The following CEP164 variants were observed in gnomAD, a reference collection of about 807,000 sequenced individuals.
CEP164 encodes the protein centrosomal protein 164.
A neutral mutation model predicts 182.7 loss-of-function variants in CEP164; 162 were observed. The observed-to-expected ratio is 0.89, with a 90% confidence interval of 0.78 to 1.01. The LOEUF is 1.01. Ranked by LOEUF, CEP164 falls within the 50% of genes least tolerant of loss-of-function variation. The probability of loss-of-function intolerance (pLI) is 0.00; values close to 1 mark genes in which losing one functional copy is unlikely to be tolerated. For missense variants in CEP164, 1,735 were observed against 1,790.4 expected (o/e 0.97, Z 0.56); for synonymous variants, 661 against 690.0 (o/e 0.96, Z 0.66).
rs774896440 is a variant in CEP164, at chr11:117,393,115, T to C, written c.2605T>C (p.Tyr869His). 33 of 1,612,756 alleles carry C rather than the reference T, an allele frequency of 2.0e-5. No individual in the cohort carries two copies. The East Asian group carries it at 6.9e-4, about 34-fold the overall frequency. ...QQVMAKAREQ[Y>H]EAEERKQRAE... ...AGTGATGGCTAAGGCCAGAGAGCAG[T>C]ATGAAGCTGAGGTAGCTCAGCCACA... is the stretch of plus-strand genomic sequence containing the variant. The change falls in exon 20 of 33, where the codon TAT (tyrosine) becomes CAT (histidine). Residue 869 changes from tyrosine to histidine, a missense_variant. Transcript: ENST00000278935.
At chr11:117,351,567 T>C (rs1565452972) in intron 4 of CEP164, among the ~76,000 whole-genome samples, 1 of 152,146 alleles carries the variant, frequency 6.6e-6, no homozygotes, top group Non-Finnish European at 1.5e-5. Context: ...TCTTCCTATA[T>C]CTAAGCTAAC....
chr11:117,358,635 C>T (rs1167184808), intron 5 of CEP164, among the ~76,000 whole-genome samples: 1 of 150,752 alleles, frequency 6.6e-6, no homozygotes. Context: ...CCTTGAGCTC[C>T]TGGGCTTAAG....
intron 5 of CEP164, 91 bp from the exon 6 acceptor site, chr11:117,361,744 G>T: frequency 7.3e-7 from 1 of 1,365,470 alleles, no homozygotes; most frequent in South Asian, 1.2e-5. Flanking sequence ...TGAGCGTGCA[G>T]GATTTAGATG....
intron 15 of CEP164, among the ~76,000 whole-genome samples, chr11:117,390,443 T>C (rs1417265311): frequency 6.6e-6 from 1 of 150,588 alleles, no homozygotes; most frequent in Non-Finnish European, 1.5e-5. Flanking sequence ...AGCCTAGGAG[T>C]TCAAGACCAG....
chr11:117,403,076 T>G (rs1047911458), intron 27 of CEP164, among the ~76,000 whole-genome samples: 1 of 152,216 alleles, frequency 6.6e-6, no homozygotes, highest in African/African-American at 2.4e-5. Flanking sequence ...GCACACGAGG[T>G]GGGTCTCCTG....
In CEP164 at chr11:117,409,005, G is replaced by T. The variant is rs775665636; in HGVS notation, c.3725G>T (p.Arg1242Leu). The T allele has an allele frequency of 5.0e-6, 8 of 1,614,082 alleles. No individual in the cohort carries two copies. The South Asian group carries it at 7.7e-5, about 16-fold the overall frequency. Residue 1242 changes from arginine (R) to leucine (L), a missense_variant, in exon 29 of 33, where the codon CGT becomes CTT. Physicochemically the swap from Arg to Leu is moderately radical, Grantham distance 102 (BLOSUM62 -2). Coordinates refer to ENST00000278935, the MANE Select transcript of CEP164 (RefSeq NM_014956.5). The surrounding 1 kb of genome is among the most constrained non-coding windows in gnomAD (Gnocchi z 4.4). ...TCTGAATCTTTTTCCCCGCCTCACCGTGAGTGGTGGCGGCAGCAGAGGAGT... is the reference window on the plus strand; with the variant it reads ...TCTGAATCTTTTTCCCCGCCTCACCTTGAGTGGTGGCGGCAGCAGAGGAGT... ...ESSESFSPPH[R>L]EWWRQQRIDS...
In CEP164 at chr11:117,409,794, A is replaced by ACCCCCCCCCC; in HGVS notation, c.3930_3931insCCCCCCCCCC (p.Thr1311ProfsTer82). The ACCCCCCCCCC allele has an allele frequency of 1.3e-6, 2 of 1,599,300 alleles. No individual in the cohort carries two copies. Reference sequence around the variant, plus strand: ...GCTCCCTCCCCGGGACCCTAAGAGCACCCCCACCCCCACCTACTATGGCTC... The same window carrying ACCCCCCCCCC: ...GCTCCCTCCCCGGGACCCTAAGAGCACCCCCCCCCCCCCCCACCCCCACCTACTATGGCTC... On this transcript the variant is annotated frameshift_variant, in exon 30 of 33. Coordinates refer to ENST00000278935, the MANE Select transcript of CEP164 (RefSeq NM_014956.5). LOFTEE classifies it high-confidence loss of function. The surrounding 1 kb of genome is among the most constrained non-coding windows in gnomAD (Gnocchi z 4.4).
rs533916500 is a variant in CEP164 at position 117,369,895 on chromosome 11, C to T, written c.766-1185C>T. Among the ~76,000 whole-genome samples, 26 of 152,348 alleles carry T rather than the reference C, an allele frequency of 1.7e-4. 1 individual carries two copies. Among genetic ancestry groups the T allele is most frequent in the Admixed American group, 5.9e-4 (9 of 15,306 alleles). ...GAGCAGGGCTTGGCCACTGTAGAGA[C>T]GCACTGCTCAGACCCTGCCAAGGGG... On this transcript the variant is annotated intron_variant, in intron 8 of 32. Transcript: ENST00000278935.
intron 4 of CEP164, among the ~76,000 whole-genome samples, chr11:117,345,898 G>GCTGGCCTCAAACTCCTGACCT (rs1183607687): frequency 6.6e-6 from 1 of 152,172 alleles, no homozygotes; most frequent in East Asian, 1.9e-4. Flanking sequence ...TGTTGGCCAG[G>GCTGGCCTCAAACTCCTGACCT]CTGGCCTCAA....
intron 8 of CEP164, among the ~76,000 whole-genome samples, chr11:117,366,491 C>G (rs11606575): frequency 0.15 from 22,245 of 152,160 alleles, 1,779 homozygotes; most frequent in Non-Finnish European, 0.18. Flanking sequence ...GGAACCGACA[C>G]TGAACAGGGC....
rs55864956 is a variant in CEP164, at chr11:117,337,510, T to TA, written c.-21-1042dup. On this transcript the variant is annotated intron_variant, in intron 2 of 32. Coordinates refer to ENST00000278935, the MANE Select transcript of CEP164 (RefSeq NM_014956.5). ...GCAACATAGTGAGACACCATCTCTGTAAAAAAAAAAAAAAGTAAAATATAT... is the reference window on the plus strand; with the variant it reads ...GCAACATAGTGAGACACCATCTCTGTAAAAAAAAAAAAAAAGTAAAATATAT... 2.3e-3 allele frequency among the ~76,000 whole-genome samples: 295 copies of TA among 128,670 alleles called. 1 individual carries two copies. The highest frequency in any genetic ancestry group is 4.0e-3 in the Middle Eastern group (1 of 248). 84.4% of individuals were successfully genotyped at this position (128,670 alleles called of 152,430 possible).
chr11:117,346,334 T>C (rs1184621202), intron 4 of CEP164, among the ~76,000 whole-genome samples: 1 of 151,880 alleles, frequency 6.6e-6, no homozygotes, highest in African/African-American at 2.4e-5. Flanking sequence ...AATGGCGCAA[T>C]CTTGGCTCAC....
intron 4 of CEP164, 62 bp from the exon 5 acceptor site, chr11:117,351,728 C>CTTTTTTTT: frequency 1.7e-5 from 22 of 1,332,812 alleles, no homozygotes; most frequent in Middle Eastern, 2.0e-4. Context: ...TTTTTCCCCT[C>CTTTTTTTT]TTTTTTTTTT....
At chr11:117,322,985 C>T (rs1372902696), upstream of CEP164, among the ~76,000 whole-genome samples, 3 of 151,694 alleles carry the variant, frequency 2.0e-5, no homozygotes, top group South Asian at 2.1e-4. Context: ...AGGCTGGTCT[C>T]GAACTCCTGA....
chr11:117,407,285 A>T (rs576410986), intron 27 of CEP164, among the ~76,000 whole-genome samples: 1 of 151,622 alleles, frequency 6.6e-6, no homozygotes, highest in Admixed American at 6.6e-5. Flanking sequence ...ACCCCTCTCA[A>T]CCATGGTGGT....
At chr11:117,377,186 T>C (rs57286370) in intron 11 of CEP164, among the ~76,000 whole-genome samples, 2 of 89,762 alleles carry the variant, frequency 2.2e-5, no homozygotes, top group South Asian at 3.5e-4. Context: ...AGACAGTTTT[T>C]CCAGATGGGG....
At chr11:117,340,107 C>T (rs2037879162) in intron 3 of CEP164, among the ~76,000 whole-genome samples, 2 of 152,166 alleles carry the variant, frequency 1.3e-5, no homozygotes, top group Non-Finnish European at 2.9e-5. Flanking sequence ...CTCACTGCAA[C>T]CTCCGCCTCC....
At chr11:117,382,976 T>A in intron 14 of CEP164, 34 bp downstream of exon 14, 3 of 1,600,364 alleles carry the variant, frequency 1.9e-6, no homozygotes, top group Non-Finnish European at 2.6e-6. Context: ...GTCCCTGACC[T>A]CCACTGCGTG....
rs754039492 is a variant in CEP164 at position 117,393,144 on chromosome 11, C to T, written c.2616+18C>T. ...AAGCTGAGGTAGCTCAGCCACATCC[C>T]CTGCGCGCATGCACACACATGCACA... On this transcript the variant is annotated intron_variant, in intron 20 of 32. Coordinates refer to ENST00000278935, the MANE Select transcript of CEP164 (RefSeq NM_014956.5). 1.5e-5 allele frequency: 24 copies of T among 1,610,282 alleles called. No homozygotes were observed. Among genetic ancestry groups the T allele is most frequent in the Non-Finnish European group, 2.0e-5 (24 of 1,178,362 alleles).
Sources: gnomAD v4.1 joint callset for allele counts (sites outside exome capture counted in the v4.1 genomes callset) on GRCh38, gnomAD v4.1.1 for gene constraint, Gnocchi (gnomAD v3.1) non-coding constraint, MANE v1.5 for transcripts, NCBI Gene and HGNC (gene_info 2026-07-23, HGNC 2026-07-21) for gene names.